The following VWC2 variants were observed in gnomAD, a reference collection of about 807,000 sequenced individuals.
VWC2 encodes the protein brorin.
In VWC2, 14 loss-of-function variants were observed where a neutral mutation model predicts 29.8. The observed-to-expected ratio is 0.47, with a 90% CI of 0.31 to 0.74. VWC2 has a LOEUF of 0.74. VWC2 is among the 30% of genes least tolerant of loss of function. The pLI is 0.05. For synonymous variants in VWC2, 213 were observed against 199.0 expected (o/e 1.07, Z -0.59); for missense variants, 457 against 459.8 (o/e 0.99, Z 0.05).
chr7:49,859,307 C>T (rs990167544), intron 3 of VWC2, among the ~76,000 whole-genome samples: 2 of 152,074 alleles, frequency 1.3e-5, no homozygotes, highest in African/African-American at 4.8e-5. Flanking sequence ...TTTAAGTTAT[C>T]TTTTATGTTT....
At chr7:49,827,943 ATCAT>A in intron 3 of VWC2, among the ~76,000 whole-genome samples, 1 of 152,326 alleles carries the variant, frequency 6.6e-6, no homozygotes, top group Admixed American at 6.5e-5. Context: ...ACAAATCTTG[ATCAT>A]TCAATTAAGT....
chr7:49,824,450 G>T (rs964629693), intron 3 of VWC2, among the ~76,000 whole-genome samples: 3 of 152,158 alleles, frequency 2.0e-5, no homozygotes, highest in Admixed American at 6.5e-5. Context: ...TAATCCTTAT[G>T]CCAATGTCAG....
At chr7:49,854,369 C>T (rs1049308271) in intron 3 of VWC2, among the ~76,000 whole-genome samples, 8 of 152,184 alleles carry the variant, frequency 5.3e-5, no homozygotes, top group African/African-American at 1.9e-4. Context: ...TCCTCTCCAG[C>T]ACCTGTTGTT....
intron 2 of VWC2, among the ~76,000 whole-genome samples, chr7:49,786,574 G>A (rs1363015228): frequency 3.3e-5 from 5 of 152,184 alleles, no homozygotes; most frequent in Non-Finnish European, 5.9e-5. Context: ...TTCTGCAGTG[G>A]CTGAACTAAT....
At chr7:49,788,525 G>A (rs1788355769) in intron 2 of VWC2, among the ~76,000 whole-genome samples, 1 of 151,662 alleles carries the variant, frequency 6.6e-6, no homozygotes, top group Admixed American at 6.6e-5. Flanking sequence ...GAGTGTGGGT[G>A]TGAGACAGTG....
chr7:49,848,183 C>G (rs549049722), intron 3 of VWC2, among the ~76,000 whole-genome samples: 7 of 152,176 alleles, frequency 4.6e-5, no homozygotes, highest in Non-Finnish European at 7.4e-5. Flanking sequence ...AGGGGCCCAA[C>G]TTTGAGTGAC....
At chr7:49,834,433 A>G (rs113100249) in intron 3 of VWC2, among the ~76,000 whole-genome samples, 2,210 of 152,278 alleles carry the variant, frequency 0.015, 35 homozygotes, top group African/African-American at 0.036. Flanking sequence ...TCAAAGTAGG[A>G]CTCCAATTAT....
intron 3 of VWC2, among the ~76,000 whole-genome samples, chr7:49,875,378 A>AAAAAAAAAC (rs1562746060): frequency 2.0e-5 from 3 of 148,306 alleles, no homozygotes; most frequent in Non-Finnish European, 4.5e-5. Context: ...TCAAAAAAAA[A>AAAAAAAAAC]AAAAAAAAAA....
intron 3 of VWC2, among the ~76,000 whole-genome samples, chr7:49,851,161 T>G (rs1264432170): frequency 6.6e-6 from 1 of 152,236 alleles, no homozygotes; most frequent in Non-Finnish European, 1.5e-5. Flanking sequence ...GAGGCTTCAC[T>G]GCAGGCTCTG....
chr7:49,784,238 T>C lies in VWC2; in HGVS notation c.696+8107T>C, dbSNP rs575036645. The stretch of plus-strand genomic sequence containing the variant: ...TAATGTACACTGCATCCAAATAATG[T>C]ACACTGCATCCATTACATAATCTCT... On this transcript the variant is annotated intron_variant, in intron 2 of 3. Transcript: ENST00000340652. Among the ~76,000 whole-genome samples the C allele has an allele frequency of 1.8e-4, 28 of 152,378 alleles. 1 individual carries two copies. The highest frequency in any genetic ancestry group is 6.7e-4 in the African/African-American group (28 of 41,594).
At chr7:49,856,567 A>G (rs939301414) in intron 3 of VWC2, among the ~76,000 whole-genome samples, 7 of 152,198 alleles carry the variant, frequency 4.6e-5, no homozygotes, top group African/African-American at 1.7e-4. Flanking sequence ...GCTTTATTGA[A>G]GTATAATTGG....
intron 3 of VWC2, among the ~76,000 whole-genome samples, chr7:49,852,207 G>A (rs148814149): frequency 7.7e-4 from 117 of 152,306 alleles, no homozygotes; most frequent in Admixed American, 2.2e-3. Flanking sequence ...AACATGGCCT[G>A]CATCAAAAGT....
At chr7:49,875,386 A>AAAAAAG (rs1562746107) in intron 3 of VWC2, among the ~76,000 whole-genome samples, 1 of 149,776 alleles carries the variant, frequency 6.7e-6, no homozygotes, top group Non-Finnish European at 1.5e-5. Context: ...AAAAAAAAAA[A>AAAAAAG]AAAAAAAAAA....
chr7:49,827,786 T>G (rs1181397938), intron 3 of VWC2, among the ~76,000 whole-genome samples: 5 of 152,206 alleles, frequency 3.3e-5, no homozygotes. Flanking sequence ...TATAGCCTTC[T>G]CTGGACACCC....
intron 2 of VWC2, among the ~76,000 whole-genome samples, chr7:49,799,580 G>A (rs1428381966): frequency 6.6e-6 from 1 of 152,228 alleles, no homozygotes; most frequent in East Asian, 1.9e-4. Context: ...AGATGTAGGT[G>A]GTAGGAGGTG....
chr7:49,887,334 ATTTGT>A (rs923765939), intron 3 of VWC2, among the ~76,000 whole-genome samples: 2 of 152,126 alleles, frequency 1.3e-5, no homozygotes, highest in African/African-American at 2.4e-5. Flanking sequence ...TTTGCAATTG[ATTTGT>A]TTTATGTTTG....
intron 3 of VWC2, among the ~76,000 whole-genome samples, chr7:49,877,481 A>T (rs866880579): frequency 4.5e-3 from 57 of 12,648 alleles, no homozygotes; most frequent in South Asian, 0.023. Context: ...AAAAAAAAAA[A>T]ATATATATAT....
intron 3 of VWC2, among the ~76,000 whole-genome samples, chr7:49,851,820 C>A (rs1790189966): frequency 6.6e-6 from 1 of 151,864 alleles, no homozygotes. Flanking sequence ...TGCGCCATTG[C>A]ACTCCAGCCT....
At chr7:49,848,219 A>T (rs28370344) in intron 3 of VWC2, among the ~76,000 whole-genome samples, 7 of 152,174 alleles carry the variant, frequency 4.6e-5, no homozygotes, top group African/African-American at 1.7e-4. Context: ...TTATGCTGCA[A>T]GTGTCTTTGG....
Sources: gnomAD v4.1 joint callset for allele counts (sites outside exome capture counted in the v4.1 genomes callset) on GRCh38, gnomAD v4.1.1 for gene constraint, MANE v1.5 for transcripts, NCBI Gene and HGNC (gene_info 2026-07-23, HGNC 2026-07-21) for gene names.